Variants in MTUS2 observed in about 807,000 individuals in gnomAD.
The protein encoded by MTUS2 is microtubule-associated tumor suppressor candidate 2.
In MTUS2, 40 loss-of-function variants were observed where a neutral mutation model predicts 114.1. That is an observed-to-expected ratio of 0.35 (90% CI 0.27 to 0.46). MTUS2 has a LOEUF of 0.46. MTUS2 is among the 20% of genes least tolerant of loss of function. The pLI is 1.00. For missense variants in MTUS2, 1,679 were observed against 1,705.4 expected, an observed-to-expected ratio of 0.98 and a Z score of 0.27; for synonymous variants, 688 against 672.0, an observed-to-expected ratio of 1.02 and a Z score of -0.37.
intron 7 of MTUS2, among the ~76,000 whole-genome samples, chr13:29,357,150 T>A (rs1372173686): frequency 6.6e-6 from 1 of 151,252 alleles, no homozygotes; most frequent in African/African-American, 2.4e-5. Flanking sequence ...ATTCTCCATT[T>A]ACCATTGAGT....
intron 6 of MTUS2, among the ~76,000 whole-genome samples, chr13:29,286,768 G>A (rs1161545921): frequency 1.3e-5 from 2 of 151,932 alleles, no homozygotes; most frequent in Non-Finnish European, 2.9e-5. Context: ...TCAGCTCACT[G>A]CAACCTCCAC....
intron 4 of MTUS2, among the ~76,000 whole-genome samples, chr13:29,044,892 T>C (rs896187650): frequency 6.6e-6 from 1 of 152,192 alleles, no homozygotes; most frequent in East Asian, 1.9e-4. Flanking sequence ...GTCTATCTCA[T>C]GTGCTTGTGG....
chr13:29,471,366 AT>A (rs1880282347), intron 9 of MTUS2, among the ~76,000 whole-genome samples: 3 of 151,978 alleles, frequency 2.0e-5, no homozygotes, highest in African/African-American at 7.2e-5. Flanking sequence ...ATAAAATAAA[AT>A]GAAATTTTGC....
At chr13:29,073,141 A>G (rs9508257) in intron 4 of MTUS2, among the ~76,000 whole-genome samples, 27,399 of 152,184 alleles carry the variant, frequency 0.18, 2,897 homozygotes, top group Non-Finnish European at 0.24. Flanking sequence ...CAATGATACA[A>G]CACGACCCAA....
chr13:29,372,606 G>T (rs1871283705), intron 8 of MTUS2, among the ~76,000 whole-genome samples: 1 of 152,130 alleles, frequency 6.6e-6, no homozygotes, highest in East Asian at 1.9e-4. Flanking sequence ...TACAGCAGGT[G>T]GTTATTAAGT....
intron 9 of MTUS2, among the ~76,000 whole-genome samples, chr13:29,474,911 A>G (rs1880583220): frequency 6.6e-6 from 1 of 152,176 alleles, no homozygotes; most frequent in Non-Finnish European, 1.5e-5. Flanking sequence ...ACACAAGCCA[A>G]CTTATTGCCT....
intron 6 of MTUS2, among the ~76,000 whole-genome samples, chr13:29,289,036 G>A (rs977607339): frequency 1.3e-5 from 2 of 152,146 alleles, no homozygotes; most frequent in South Asian, 2.1e-4. Context: ...ATAAATAAGT[G>A]TTCTCCTATT....
chr13:28,844,401 CTG>C (rs141022118), intron 2 of MTUS2, among the ~76,000 whole-genome samples: 2 of 151,652 alleles, frequency 1.3e-5, no homozygotes, highest in Admixed American at 6.6e-5. Context: ...TTTTAAAATG[CTG>C]TGTGTGTGTG....
At chr13:29,064,007 A>G (rs1388339552) in intron 4 of MTUS2, among the ~76,000 whole-genome samples, 3 of 152,234 alleles carry the variant, frequency 2.0e-5, no homozygotes. Context: ...GATAGAAAGC[A>G]TGAGGCCTGG....
chr13:29,368,410 C>A (rs546966956), intron 8 of MTUS2, among the ~76,000 whole-genome samples: 89 of 151,734 alleles, frequency 5.9e-4, no homozygotes, highest in South Asian at 1.5e-3. Context: ...AGAATCAGTT[C>A]TAATGTTTGA....
intron 4 of MTUS2, among the ~76,000 whole-genome samples, chr13:29,091,265 C>T (rs916587075): frequency 6.6e-6 from 1 of 152,104 alleles, no homozygotes; most frequent in Non-Finnish European, 1.5e-5. Context: ...ATTACCCACA[C>T]TCAGGTATTT....
chr13:29,093,791 T>A (rs2138789108), intron 4 of MTUS2, among the ~76,000 whole-genome samples: 1 of 152,330 alleles, frequency 6.6e-6, no homozygotes, highest in South Asian at 2.1e-4. Flanking sequence ...CATACAATGT[T>A]AAACAGAAAT....
chr13:29,012,425 G>A (rs1053413082), intron 2 of MTUS2, among the ~76,000 whole-genome samples: 15 of 152,190 alleles, frequency 9.9e-5, no homozygotes, highest in Admixed American at 8.5e-4. Context: ...AGGAGAATAA[G>A]GCCATCGGAT....
intron 8 of MTUS2, among the ~76,000 whole-genome samples, chr13:29,380,138 G>T (rs1872089490): frequency 6.6e-6 from 1 of 152,094 alleles, no homozygotes; most frequent in African/African-American, 2.4e-5. Context: ...TGTGCTCCTT[G>T]TCCCTCTGTT....
chr13:29,473,914 T>C (rs1445412797), intron 9 of MTUS2, among the ~76,000 whole-genome samples: 1 of 152,204 alleles, frequency 6.6e-6, no homozygotes, highest in East Asian at 1.9e-4. Context: ...TGCTATTAAA[T>C]TAGCTTACAT....
At chr13:29,437,092 G>C (rs751494206) in intron 8 of MTUS2, among the ~76,000 whole-genome samples, 12 of 152,178 alleles carry the variant, frequency 7.9e-5, no homozygotes, top group Non-Finnish European at 1.5e-4. Flanking sequence ...GTTATGATGT[G>C]AGAGATCCCT....
At chr13:29,416,023 C>T (rs1408051593) in intron 8 of MTUS2, among the ~76,000 whole-genome samples, 1 of 151,842 alleles carries the variant, frequency 6.6e-6, no homozygotes, top group Non-Finnish European at 1.5e-5. Flanking sequence ...TCAAGTGATT[C>T]TCCTGCCTCA....
intron 10 of MTUS2, chr13:29,484,366 TAGAA>T (rs1470491186): frequency 1.3e-5 from 2 of 152,206 alleles, no homozygotes; most frequent in Non-Finnish European, 1.5e-5. Context: ...TCTAATCAAA[TAGAA>T]AGAGATCCCT....
intron 12 of MTUS2, 62 bp from the exon 13 acceptor site, chr13:29,497,176 C>T (rs1882603980): frequency 2.8e-6 from 4 of 1,441,402 alleles, no homozygotes; most frequent in Admixed American, 3.4e-5. Flanking sequence ...CACAGCTGCC[C>T]AGGCTGTGGT....
Sources: allele counts gnomAD v4.1 joint callset (sites outside exome capture counted in the v4.1 genomes callset), GRCh38; gene constraint gnomAD v4.1.1; transcripts MANE v1.5; gene names NCBI Gene and HGNC (gene_info 2026-07-23, HGNC 2026-07-21).